The following COA1 variants were observed in gnomAD, a reference collection of about 807,000 sequenced individuals.
COA1 encodes the protein cytochrome c oxidase assembly factor 1.
Under a neutral mutation model 16.0 loss-of-function variants are expected in COA1, and 13 were observed. The observed-to-expected ratio is 0.81, with a 90% CI of 0.53 to 1.29. The LOEUF is 1.29. Among genes scored for constraint, COA1 ranks in the 50% most tolerant of loss-of-function variants. The probability of loss-of-function intolerance (pLI) is 0.00; values close to 1 mark genes in which losing one functional copy is unlikely to be tolerated. For missense variants in COA1, 179 were observed against 177.0 expected (o/e 1.01, Z -0.06); for synonymous variants, 65 against 65.7 (o/e 0.99, Z 0.05).
At chr7:43,725,716 G>T (rs1277376782) in intron 1 of COA1, among the ~76,000 whole-genome samples, 1 of 151,840 alleles carries the variant, frequency 6.6e-6, no homozygotes, top group Non-Finnish European at 1.5e-5. Context: ...AAAATTAGCT[G>T]GGCATGGTGG....
At chr7:43,647,856 C>G in intron 2 of COA1, 1 of 546,598 alleles carries the variant, frequency 1.8e-6, no homozygotes, top group South Asian at 2.3e-5. Context: ...TGTCCAGGAC[C>G]CATGCTGTGG....
At chr7:43,640,841 C>CCCTCTT (rs2086862800) in intron 4 of COA1, 192 bp from the exon 5 acceptor site, 10 of 519,216 alleles carry the variant, frequency 1.9e-5, no homozygotes, top group Non-Finnish European at 2.7e-5. Context: ...CTTTGGTTGG[C>CCCTCTT]TGGTAAGGTC....
intron 6 of COA1, among the ~76,000 whole-genome samples, chr7:43,618,259 T>C (rs2083529786): frequency 1.3e-5 from 2 of 152,094 alleles, no homozygotes; most frequent in Admixed American, 1.3e-4. Context: ...GGGCAGGCTT[T>C]ACAGAGGAAT....
chr7:43,623,470 G>T, intron 6 of COA1: 1 of 904,380 alleles, frequency 1.1e-6, no homozygotes, highest in Non-Finnish European at 1.7e-6. Context: ...CCAAACGTTG[G>T]ATAGTGCCTT....
chr7:43,691,402 AGGAAGGAAG>A lies in COA1; in HGVS notation c.-39+38018_-39+38026del, dbSNP rs1237161673. Among the ~76,000 whole-genome samples the A allele has an allele frequency of 4.2e-5, 5 of 118,150 alleles. No individual in the cohort carries two copies. In the Admixed American group the frequency reaches 4.5e-4, roughly 11 times the overall value. The allele number at this position is 118,150 out of a possible 152,430, so 77.5% of individuals were successfully genotyped here. On this transcript the variant is annotated intron_variant, in intron 1 of 5. Coordinates refer to ENST00000223336, the MANE Select transcript of COA1 (RefSeq NM_018224.4). Reference sequence around the variant, plus strand: ...GAGGAAGGAAGGAAGGAAGGAAGGAAGGAAGGAAGGAAGAAAGAAAAAGAAAGAAAGAAA... The same window carrying A: ...GAGGAAGGAAGGAAGGAAGGAAGGAAGAAGAAAGAAAAAGAAAGAAAGAAA...
intron 1 of COA1, among the ~76,000 whole-genome samples, chr7:43,655,448 C>T (rs1285375882): frequency 1.3e-5 from 2 of 152,088 alleles, no homozygotes; most frequent in Admixed American, 6.5e-5. Context: ...GTCAGGAGTT[C>T]GAGACCAGCC....
At chr7:43,693,455 C>G (rs915386732) in intron 1 of COA1, among the ~76,000 whole-genome samples, 1 of 152,116 alleles carries the variant, frequency 6.6e-6, no homozygotes, top group Non-Finnish European at 1.5e-5. Flanking sequence ...TTGACCTCGG[C>G]GGTTCATTCC....
chr7:43,678,493 G>A (rs541668949), intron 1 of COA1, among the ~76,000 whole-genome samples: 3 of 152,206 alleles, frequency 2.0e-5, no homozygotes, highest in East Asian at 3.9e-4. Flanking sequence ...GGACTACATC[G>A]AAACTGAAAA....
At position 43,613,326 on chromosome 7, in the gene COA1, A is replaced by G. The variant is rs114625461; in HGVS notation, c.*134-3831T>C. Among the ~76,000 whole-genome samples, 460 of 152,284 alleles carry G rather than the reference A, an allele frequency of 3.0e-3. 1 individual carries two copies. The highest frequency in any genetic ancestry group is 0.01 in the African/African-American group (433 of 41,554). On this transcript the variant is annotated intron_variant and NMD_transcript_variant, in intron 6 of 6. Coordinates refer to the COA1 transcript ENST00000415076. ...CCACACAAATGAGGTGATGTGTGGT[A>G]TTATAATAGCTATTCTGAGTAACCT...
downstream of COA1, among the ~76,000 whole-genome samples, chr7:43,637,575 G>C (rs182191778): frequency 2.3e-3 from 357 of 152,252 alleles, 8 homozygotes; most frequent in Admixed American, 0.021. Context: ...GGATATACAG[G>C]AAACAGTGGA....
rs760754829 is a variant in COA1 at position 43,648,630 on chromosome 7, A to G, written c.-16T>C. 33 of 1,612,064 alleles carry G rather than the reference A, an allele frequency of 2.0e-5. 1 individual carries two copies. In the South Asian group the frequency reaches 3.4e-4, roughly 17 times the overall value. ...GCCACATCATAGCACAACTCTCTTG[A>G]AAATCATCAAAGGCAAGTTGTCCTG... On this transcript the variant is annotated 5_prime_UTR_variant, in exon 2 of 6. Transcript: ENST00000223336.
At chr7:43,686,821 T>C (rs1261466446) in intron 1 of COA1, among the ~76,000 whole-genome samples, 1 of 152,244 alleles carries the variant, frequency 6.6e-6, no homozygotes, top group East Asian at 1.9e-4. Context: ...AAAAAGGCTC[T>C]GTATATGGTA....
intron 1 of COA1, among the ~76,000 whole-genome samples, chr7:43,656,599 C>T (rs532842889): frequency 6.6e-6 from 1 of 152,266 alleles, no homozygotes; most frequent in Admixed American, 6.5e-5. Flanking sequence ...GAGGCTGAGG[C>T]AGGAGAAATC....
chr7:43,614,303 T>A (rs922979813), intron 6 of COA1, among the ~76,000 whole-genome samples: 1 of 152,226 alleles, frequency 6.6e-6, no homozygotes, highest in East Asian at 1.9e-4. Flanking sequence ...TCCACTGTTA[T>A]CACCTCTCTA....
chr7:43,610,050 T>C (rs548735426), intron 6 of COA1, among the ~76,000 whole-genome samples: 1 of 152,342 alleles, frequency 6.6e-6, no homozygotes, highest in Non-Finnish European at 1.5e-5. Flanking sequence ...ACTTTAAGAA[T>C]TGCTATATGG....
chr7:43,654,205 A>G (rs1034590259), intron 1 of COA1, among the ~76,000 whole-genome samples: 2 of 152,192 alleles, frequency 1.3e-5, no homozygotes, highest in Non-Finnish European at 2.9e-5. Flanking sequence ...CAGGCTGGCC[A>G]GCCCCAAACT....
At chr7:43,727,776 A>G (rs950695009) in intron 1 of COA1, among the ~76,000 whole-genome samples, 7 of 152,206 alleles carry the variant, frequency 4.6e-5, no homozygotes, top group African/African-American at 1.7e-4. Context: ...AAAATGTTCA[A>G]TTGTTCCAAT....
At chr7:43,725,967 T>G (rs1424508887) in intron 1 of COA1, among the ~76,000 whole-genome samples, 1 of 151,376 alleles carries the variant, frequency 6.6e-6, no homozygotes, top group African/African-American at 2.4e-5. Flanking sequence ...ATAAAACTAC[T>G]TTTTCCAACA....
At chr7:43,625,657 G>C (rs1286605088) in intron 6 of COA1, 1 of 152,270 alleles carries the variant, frequency 6.6e-6, no homozygotes, top group Non-Finnish European at 1.5e-5. Context: ...CCACTTGTAG[G>C]TATCAGTGTG....
Sources: allele counts gnomAD v4.1 joint callset (sites outside exome capture counted in the v4.1 genomes callset), GRCh38; gene constraint gnomAD v4.1.1; transcripts MANE v1.5; gene names NCBI Gene and HGNC (gene_info 2026-07-23, HGNC 2026-07-21).